The following OR9Q1 variants were observed in gnomAD, a reference collection of about 807,000 sequenced individuals.
OR9Q1 encodes olfactory receptor family 9 subfamily Q member 1.
For missense variants in OR9Q1, 374 were observed against 378.8 expected (o/e 0.99, Z 0.11); for synonymous variants, 153 against 148.6 (o/e 1.03, Z -0.22).
intron 2 of OR9Q1, among the ~76,000 whole-genome samples, chr11:58,129,981 T>C (rs1854125544): frequency 6.6e-6 from 1 of 152,212 alleles, no homozygotes. Flanking sequence ...GTTTGTTACA[T>C]AGGTATACCT....
At chr11:58,048,679 A>ATATATATATATATAT (rs1554965247) in intron 1 of OR9Q1, among the ~76,000 whole-genome samples, 29 of 131,418 alleles carry the variant, frequency 2.2e-4, no homozygotes, top group East Asian at 2.1e-3. Context: ...TAAAAAAAAA[A>ATATATATATATATAT]ATATATATAT....
At chr11:58,165,137 T>A (rs1235807797) in intron 2 of OR9Q1, among the ~76,000 whole-genome samples, 1 of 152,204 alleles carries the variant, frequency 6.6e-6, no homozygotes, top group Non-Finnish European at 1.5e-5. Context: ...AGGAGCAGGG[T>A]TCTCCCCTGT....
intron 1 of OR9Q1, among the ~76,000 whole-genome samples, chr11:58,043,139 T>C (rs1184176112): frequency 6.6e-6 from 1 of 152,156 alleles, no homozygotes; most frequent in Non-Finnish European, 1.5e-5. Context: ...ATTTGTAGGG[T>C]CCTAGATACT....
At chr11:58,119,099 C>T (rs1405798460) in intron 2 of OR9Q1, 5 of 1,613,804 alleles carry the variant, frequency 3.1e-6, no homozygotes, top group Non-Finnish European at 4.2e-6. Context: ...GCCATCACTG[C>T]CAGCAGAAAG....
rs77067478 is a variant in OR9Q1 at position 58,159,859 on chromosome 11, A to T, written c.-14-19572A>T. On this transcript the variant is annotated intron_variant, in intron 2 of 2. Transcript: ENST00000335397. Reference sequence around the variant, plus strand: ...CTCATACCAAATTACATCCCATCCAATGTTCTCTTCCTGCAATAAGATATT... The same window carrying T: ...CTCATACCAAATTACATCCCATCCATTGTTCTCTTCCTGCAATAAGATATT... 6.9e-3 allele frequency among the ~76,000 whole-genome samples: 1,055 copies of T among 152,322 alleles called. 10 individuals are homozygous for T. The highest frequency in any genetic ancestry group is 0.019 in the African/African-American group (775 of 41,570).
chr11:58,075,782 C>T (rs968988575), intron 2 of OR9Q1, among the ~76,000 whole-genome samples: 1 of 152,230 alleles, frequency 6.6e-6, no homozygotes, highest in Non-Finnish European at 1.5e-5. Flanking sequence ...GAGGCTAAGA[C>T]AAGTGATGGC....
chr11:58,141,401 C>T (rs930396115), intron 2 of OR9Q1, among the ~76,000 whole-genome samples: 9 of 152,106 alleles, frequency 5.9e-5, no homozygotes, highest in Non-Finnish European at 1.3e-4. Context: ...CCATCAATAC[C>T]TAATTTATTG....
At chr11:58,054,481 A>G (rs985445042) in intron 1 of OR9Q1, among the ~76,000 whole-genome samples, 2 of 152,144 alleles carry the variant, frequency 1.3e-5, no homozygotes, top group Non-Finnish European at 2.9e-5. Context: ...ATTTTTGCAT[A>G]TTTATTACTC....
At position 58,179,012 on chromosome 11, in the gene OR9Q1, A is replaced by AAGAGAGAGAGAGAGAGAGAG. The variant is rs71061582; in HGVS notation, c.-14-413_-14-394dup. On this transcript the variant is annotated intron_variant, in intron 2 of 2. Coordinates refer to ENST00000335397, the MANE Select transcript of OR9Q1 (RefSeq NM_001005212.4). ...ATAGAGAGAGAGAGAGAAAGAAAGA[A>AAGAGAGAGAGAGAGAGAGAG]AGAGAGAGAGAGAGAGAGAGAGAGA... Among the ~76,000 whole-genome samples, 1,219 of 132,404 alleles carry AAGAGAGAGAGAGAGAGAGAG rather than the reference A, an allele frequency of 9.2e-3. 23 individuals are homozygous for AAGAGAGAGAGAGAGAGAGAG. The highest frequency in any genetic ancestry group is 0.041 in the East Asian group (182 of 4,486). 86.9% of individuals were successfully genotyped at this position (132,404 alleles called of 152,430 possible).
chr11:58,167,863 G>A (rs925008166), intron 2 of OR9Q1, among the ~76,000 whole-genome samples: 3 of 152,128 alleles, frequency 2.0e-5, no homozygotes, highest in Non-Finnish European at 2.9e-5. Flanking sequence ...TTCAGAAATG[G>A]CACACCATCC....
chr11:58,142,716 A>G (rs1350496087), intron 2 of OR9Q1, among the ~76,000 whole-genome samples: 1 of 152,190 alleles, frequency 6.6e-6, no homozygotes, highest in Non-Finnish European at 1.5e-5. Flanking sequence ...CTAAATTATC[A>G]AGATTCAAAG....
chr11:58,091,284 G>A (rs1318395920), intron 2 of OR9Q1, among the ~76,000 whole-genome samples: 1 of 152,106 alleles, frequency 6.6e-6, no homozygotes, highest in Non-Finnish European at 1.5e-5. Context: ...GGCATTTAGT[G>A]CTATAAATTC....
At chr11:58,129,439 C>T (rs953218619) in intron 2 of OR9Q1, among the ~76,000 whole-genome samples, 14 of 152,206 alleles carry the variant, frequency 9.2e-5, no homozygotes, top group South Asian at 4.2e-4. Flanking sequence ...TGTAAGTTCC[C>T]TATTAAAAAC....
intron 2 of OR9Q1, among the ~76,000 whole-genome samples, chr11:58,064,295 A>G (rs200673593): frequency 6.6e-6 from 1 of 152,220 alleles, no homozygotes; most frequent in Admixed American, 6.5e-5. Flanking sequence ...TTCTAGTCCA[A>G]TACTCGTCTC....
chr11:58,139,682 A>G (rs886543915), intron 2 of OR9Q1, among the ~76,000 whole-genome samples: 43 of 151,976 alleles, frequency 2.8e-4, no homozygotes, highest in Non-Finnish European at 4.6e-4. Flanking sequence ...CCAGTCTATC[A>G]TTGTTGGACA....
chr11:58,179,475 G>T lies in OR9Q1; in HGVS notation c.31G>T (p.Glu11Ter). The T allele has an allele frequency of 6.3e-7, 1 of 1,579,446 alleles. No individual in the cohort carries two copies. The highest frequency in any genetic ancestry group is 8.6e-7 in the Non-Finnish European group (1 of 1,161,504). Residue 11 changes from glutamate (E) to a stop codon, truncating the protein, a stop_gained, in exon 3 of 3, where the codon GAG becomes TAG. Coordinates refer to ENST00000335397, the MANE Select transcript of OR9Q1 (RefSeq NM_001005212.4). LOFTEE classifies it low-confidence loss of function (END_TRUNC). The stretch of plus-strand genomic sequence containing the variant: ...AGAGATGAACCTCACCTTGGTGACC[G>T]AGTTCCTCCTTATTGCATTCACTGA... MAEMNLTLVT[E>*]FLLIAFTEYP...
intron 2 of OR9Q1, chr11:58,109,732 T>C (rs542894487): frequency 5.4e-6 from 2 of 371,548 alleles, no homozygotes; most frequent in East Asian, 7.3e-5. Flanking sequence ...GTCTTTGCTT[T>C]CTTCAGCGTC....
At chr11:58,026,062 G>A (rs1852970693) in intron 1 of OR9Q1, among the ~76,000 whole-genome samples, 2 of 152,172 alleles carry the variant, frequency 1.3e-5, no homozygotes, top group South Asian at 4.1e-4. Context: ...CAGACACATT[G>A]CAATTAGCTC....
chr11:58,179,012 A>AAGAGAGAGAGAGAGAGAGAGAGAGAG lies in OR9Q1; in HGVS notation c.-14-394_-14-393insGAGAGAGAGAGAGAGAGAGAGAGAGA, dbSNP rs71061582. Reference sequence around the variant, plus strand: ...ATAGAGAGAGAGAGAGAAAGAAAGAAAGAGAGAGAGAGAGAGAGAGAGAGA... The same window carrying AAGAGAGAGAGAGAGAGAGAGAGAGAG: ...ATAGAGAGAGAGAGAGAAAGAAAGAAAGAGAGAGAGAGAGAGAGAGAGAGAGAGAGAGAGAGAGAGAGAGAGAGAGA... On this transcript the variant is annotated intron_variant, in intron 2 of 2. Transcript: ENST00000335397. Among the ~76,000 whole-genome samples the AAGAGAGAGAGAGAGAGAGAGAGAGAG allele has an allele frequency of 2.8e-3, 368 of 132,438 alleles. 2 individuals are homozygous for AAGAGAGAGAGAGAGAGAGAGAGAGAG. The highest frequency in any genetic ancestry group is 7.9e-3 in the African/African-American group (280 of 35,474). The allele number at this position is 132,438 out of a possible 152,430, so 86.9% of individuals were successfully genotyped here. A position where few individuals can be genotyped will look rare whatever the true frequency, so the allele number is the denominator to read the frequency against.
Sources: gnomAD v4.1 joint callset for allele counts (sites outside exome capture counted in the v4.1 genomes callset) on GRCh38, gnomAD v4.1.1 for gene constraint, MANE v1.5 for transcripts, NCBI Gene and HGNC (gene_info 2026-07-23, HGNC 2026-07-21) for gene names.